The following CNBD1 variants were observed in gnomAD, a reference collection of about 807,000 sequenced individuals.
The protein encoded by CNBD1 is cyclic nucleotide-binding domain-containing protein 1.
CNBD1 carries 71 observed loss-of-function variants against 54.4 expected under a neutral mutation model. The observed-to-expected ratio is 1.30, with a 90% confidence interval of 1.08 to 1.59. The LOEUF (loss-of-function observed/expected upper bound fraction) is 1.59. Ranked by LOEUF, CNBD1 falls within the 40% of genes most tolerant of loss-of-function variation. CNBD1 has a pLI of 0.00. For missense variants in CNBD1, 659 were observed against 518.0 expected (o/e 1.27, Z -2.64); for synonymous variants, 182 against 170.7 (o/e 1.07, Z -0.51).
In CNBD1 at chr8:87,042,234, A is replaced by G. The variant is rs560600316; in HGVS notation, c.431+102480A>G. Among the ~76,000 whole-genome samples the G allele has an allele frequency of 5.3e-5, 8 of 152,330 alleles. No individual in the cohort carries two copies. The East Asian group carries it at 1.4e-3, about 26-fold the overall frequency. On this transcript the variant is annotated intron_variant, in intron 4 of 10. Coordinates refer to ENST00000518476, the MANE Select transcript of CNBD1 (RefSeq NM_173538.3). ...TTAGATACTAACTTTGAATTTGTCT[A>G]TTAAATATATCCCAGTGGAGAAATT...
At chr8:87,332,183 A>G (rs1194636189) in intron 8 of CNBD1, among the ~76,000 whole-genome samples, 1 of 152,098 alleles carries the variant, frequency 6.6e-6, no homozygotes, top group Non-Finnish European at 1.5e-5. Context: ...CCCCGTCTCT[A>G]TTAAAAATAC....
intron 10 of CNBD1, among the ~76,000 whole-genome samples, chr8:87,381,800 A>T (rs2130960370): frequency 6.6e-6 from 1 of 152,050 alleles, no homozygotes. Flanking sequence ...AAAATCGTCA[A>T]ATTTATAGGA....
At chr8:87,125,961 C>A (rs1052859721) in intron 4 of CNBD1, among the ~76,000 whole-genome samples, 20 of 151,876 alleles carry the variant, frequency 1.3e-4, no homozygotes, top group Non-Finnish European at 2.8e-4. Context: ...TTTTACTCAG[C>A]AAAATTATTA....
At chr8:86,925,079 A>G (rs1434242720) in intron 3 of CNBD1, among the ~76,000 whole-genome samples, 1 of 152,184 alleles carries the variant, frequency 6.6e-6, no homozygotes, top group Non-Finnish European at 1.5e-5. Context: ...ATAAGAGATG[A>G]CAGGATTTCA....
At chr8:87,358,225 A>G (rs1327938791) in intron 10 of CNBD1, among the ~76,000 whole-genome samples, 1 of 152,226 alleles carries the variant, frequency 6.6e-6, no homozygotes, top group African/African-American at 2.4e-5. Flanking sequence ...CTCTTACAGA[A>G]TGTGTTACCA....
intron 8 of CNBD1, among the ~76,000 whole-genome samples, chr8:87,330,571 G>A (rs1809803010): frequency 6.6e-6 from 1 of 151,936 alleles, no homozygotes; most frequent in South Asian, 2.1e-4. Flanking sequence ...TGTTGTTTAA[G>A]TCTCAAAATA....
intron 4 of CNBD1, among the ~76,000 whole-genome samples, chr8:86,958,693 C>G (rs1250143940): frequency 6.6e-6 from 1 of 152,146 alleles, no homozygotes; most frequent in South Asian, 2.1e-4. Flanking sequence ...AAATCTTCCC[C>G]CATCCCTTTA....
intron 4 of CNBD1, among the ~76,000 whole-genome samples, chr8:86,962,987 C>T (rs1167015627): frequency 2.6e-5 from 4 of 152,082 alleles, no homozygotes; most frequent in Non-Finnish European, 5.9e-5. Flanking sequence ...ATTTAGGATA[C>T]ACTTGAGGAG....
chr8:86,978,386 C>G (rs1373377829), intron 4 of CNBD1, among the ~76,000 whole-genome samples: 1 of 151,904 alleles, frequency 6.6e-6, no homozygotes, highest in African/African-American at 2.4e-5. Context: ...AATGAGATAG[C>G]AGATAATTTA....
intron 8 of CNBD1, among the ~76,000 whole-genome samples, chr8:87,312,219 C>T (rs1301214860): frequency 6.6e-6 from 1 of 151,924 alleles, no homozygotes; most frequent in Non-Finnish European, 1.5e-5. Flanking sequence ...ACTACTATAT[C>T]GATATTTTGA....
At chr8:86,915,877 G>A (rs182660608) in intron 3 of CNBD1, among the ~76,000 whole-genome samples, 68 of 152,304 alleles carry the variant, frequency 4.5e-4, no homozygotes, top group African/African-American at 1.5e-3. Flanking sequence ...TGCTCGGGTA[G>A]ATGACAGTCA....
intron 10 of CNBD1, among the ~76,000 whole-genome samples, chr8:87,356,661 G>A (rs919648838): frequency 3.3e-5 from 5 of 152,106 alleles, no homozygotes; most frequent in African/African-American, 9.7e-5. Context: ...AGGAAGCAGA[G>A]CATAAAATTT....
chr8:87,005,327 G>T (rs1200934090), intron 4 of CNBD1, among the ~76,000 whole-genome samples: 1 of 151,518 alleles, frequency 6.6e-6, no homozygotes, highest in Non-Finnish European at 1.5e-5. Context: ...CTGAGATCAC[G>T]CCACTGCACT....
At position 87,135,127 on chromosome 8, in the gene CNBD1, C is replaced by G. The variant is rs79889562; in HGVS notation, c.432-70866C>G. ...ACAAAATTGAGTCTGATTTCTAGAT[C>G]ATTTTGGTTGTTAAAACTACTCTTA... On this transcript the variant is annotated intron_variant, in intron 4 of 10. Transcript: ENST00000518476. Among the ~76,000 whole-genome samples the G allele has an allele frequency of 9.9e-3, 1,501 of 152,052 alleles. 22 individuals carry two copies. Among genetic ancestry groups the G allele is most frequent in the Middle Eastern group, 0.034 (10 of 294 alleles).
rs1033779056 is a variant in CNBD1 at position 87,337,483 on chromosome 8, G to T, written c.1043-14202G>T. Among the ~76,000 whole-genome samples the T allele has an allele frequency of 2.6e-5, 4 of 152,214 alleles. No individual in the cohort carries two copies. The East Asian group carries it at 7.7e-4, about 29-fold the overall frequency. ...CCAAGGAGCTCAGATGGCTTAGACT[G>T]CAGGCAGCTTCAGCAGTGGTGATGG... On this transcript the variant is annotated intron_variant, in intron 8 of 10. Coordinates refer to ENST00000518476, the MANE Select transcript of CNBD1 (RefSeq NM_173538.3).
At chr8:87,093,946 C>A (rs1811267150) in intron 4 of CNBD1, among the ~76,000 whole-genome samples, 1 of 152,128 alleles carries the variant, frequency 6.6e-6, no homozygotes, top group African/African-American at 2.4e-5. Context: ...TTTCTAGGAA[C>A]AGAGAACACA....
intron 4 of CNBD1, among the ~76,000 whole-genome samples, chr8:87,051,719 T>C (rs1223527272): frequency 6.6e-6 from 1 of 152,202 alleles, no homozygotes; most frequent in South Asian, 2.1e-4. Context: ...CTTTAAGTGG[T>C]TTTCCACCCT....
chr8:86,946,232 A>C (rs1807463002), intron 4 of CNBD1, among the ~76,000 whole-genome samples: 1 of 152,186 alleles, frequency 6.6e-6, no homozygotes, highest in Non-Finnish European at 1.5e-5. Flanking sequence ...TAATATATTC[A>C]AGAAAGAATA....
At chr8:87,292,811 A>T (rs1181549912) in intron 8 of CNBD1, among the ~76,000 whole-genome samples, 1 of 152,150 alleles carries the variant, frequency 6.6e-6, no homozygotes, top group East Asian at 1.9e-4. Flanking sequence ...GGTGATGAGC[A>T]TGGTGGTTCT....
Sources: allele counts gnomAD v4.1 joint callset (sites outside exome capture counted in the v4.1 genomes callset), GRCh38; gene constraint gnomAD v4.1.1; transcripts MANE v1.5; gene names NCBI Gene and HGNC (gene_info 2026-07-23, HGNC 2026-07-21).